PTPN9: variants seen among roughly 807,000 people sequenced by gnomAD.
PTPN9 encodes the protein tyrosine-protein phosphatase non-receptor type 9.
A neutral mutation model predicts 69.8 loss-of-function variants in PTPN9; 26 were observed. The ratio of observed to expected loss-of-function variants is 0.37; its 90% CI spans 0.27 to 0.52. The LOEUF (loss-of-function observed/expected upper bound fraction) is 0.52, where lower values mean the gene tolerates loss of function less well. Among genes scored for constraint, PTPN9 ranks in the 20% least tolerant of loss-of-function variants. PTPN9 has a pLI of 0.91. For synonymous variants in PTPN9, 274 were observed against 272.5 expected, an observed-to-expected ratio of 1.01 and a Z score of -0.05; for missense variants, 549 against 740.3, an observed-to-expected ratio of 0.74 and a Z score of 3.00.
intron 1 of PTPN9, among the ~76,000 whole-genome samples, chr15:75,577,496 A>T (rs991955356): frequency 1.3e-5 from 2 of 152,250 alleles, no homozygotes; most frequent in Non-Finnish European, 2.9e-5. Context: ...TTCTTTTTAA[A>T]TTTTTTTCCC....
At chr15:75,510,628 G>A (rs1011500802) in intron 5 of PTPN9, among the ~76,000 whole-genome samples, 1 of 151,098 alleles carries the variant, frequency 6.6e-6, no homozygotes, top group African/African-American at 2.4e-5. Flanking sequence ...CTATTTTAAT[G>A]TCAGAAAAAG....
intron 5 of PTPN9, among the ~76,000 whole-genome samples, chr15:75,512,529 A>C: frequency 6.6e-6 from 1 of 152,218 alleles, no homozygotes; most frequent in Non-Finnish European, 1.5e-5. Context: ...ATAAATGTGC[A>C]GTAAATACTC....
chr15:75,487,811 A>G (rs550273483), intron 8 of PTPN9: 1 of 152,330 alleles, frequency 6.6e-6, no homozygotes, highest in Admixed American at 6.5e-5. Context: ...GTTGGAAACC[A>G]TGATCCTGGG....
intron 1 of PTPN9, among the ~76,000 whole-genome samples, chr15:75,539,890 C>T (rs1206337239): frequency 2.0e-5 from 3 of 152,018 alleles, no homozygotes; most frequent in East Asian, 1.9e-4. Flanking sequence ...AGGCTGGTCT[C>T]GAACTCCTGG....
intron 9 of PTPN9, among the ~76,000 whole-genome samples, chr15:75,476,057 T>G (rs1383348400): frequency 6.6e-6 from 1 of 152,132 alleles, no homozygotes; most frequent in East Asian, 1.9e-4. Context: ...GAGGATCACC[T>G]GTGTGTGCCT....
At chr15:75,510,199 T>C (rs1382843644) in intron 5 of PTPN9, among the ~76,000 whole-genome samples, 4 of 152,168 alleles carry the variant, frequency 2.6e-5, no homozygotes, top group African/African-American at 4.8e-5. Context: ...AAATCATTCA[T>C]TCCTAATCCA....
At chr15:75,569,696 A>C (rs980837971) in intron 1 of PTPN9, among the ~76,000 whole-genome samples, 17 of 151,992 alleles carry the variant, frequency 1.1e-4, no homozygotes, top group African/African-American at 1.7e-4. Flanking sequence ...AAAAAAAAAA[A>C]AAAAAACAGT....
At chr15:75,566,280 C>T (rs2075126073) in intron 1 of PTPN9, among the ~76,000 whole-genome samples, 1 of 151,956 alleles carries the variant, frequency 6.6e-6, no homozygotes. Context: ...ATAAAAAGGC[C>T]AGATTTGCAA....
At chr15:75,502,024 G>A (rs2074775213) in intron 7 of PTPN9, among the ~76,000 whole-genome samples, 1 of 152,012 alleles carries the variant, frequency 6.6e-6, no homozygotes, top group South Asian at 2.1e-4. Context: ...GGACATAGTG[G>A]CACATACCTG....
At chr15:75,570,744 C>T (rs2075145035) in intron 1 of PTPN9, among the ~76,000 whole-genome samples, 1 of 151,020 alleles carries the variant, frequency 6.6e-6, no homozygotes, top group Non-Finnish European at 1.5e-5. Context: ...CACTGCATTC[C>T]AGCCTGGGTG....
intron 1 of PTPN9, among the ~76,000 whole-genome samples, chr15:75,545,953 ATAGAT>A: frequency 6.6e-6 from 1 of 152,340 alleles, no homozygotes; most frequent in South Asian, 2.1e-4. Context: ...GTCTGAAAAA[ATAGAT>A]TAAAGTAAAT....
At chr15:75,477,516 G>A (rs1203373254) in intron 9 of PTPN9, among the ~76,000 whole-genome samples, 3 of 152,116 alleles carry the variant, frequency 2.0e-5, no homozygotes, top group African/African-American at 7.2e-5. Flanking sequence ...ACTCGCTTGA[G>A]CCCTGGAAGT....
At chr15:75,562,222 A>C (rs2075106934) in intron 1 of PTPN9, among the ~76,000 whole-genome samples, 1 of 151,936 alleles carries the variant, frequency 6.6e-6, no homozygotes. Context: ...GCTTATATGA[A>C]CTCCCCAACT....
chr15:75,501,363 A>G (rs1486839787), intron 7 of PTPN9, among the ~76,000 whole-genome samples: 1 of 152,140 alleles, frequency 6.6e-6, no homozygotes, highest in Non-Finnish European at 1.5e-5. Context: ...TGTCACTCAC[A>G]GAGGGAATTT....
Position 75,578,767 on chromosome 15 carries a change from C to T in PTPN9, c.10G>A (p.Ala4Thr). MEP[A>T]TAPRPDMAPE... ...GCCATGTCGGGCCGGGGCGCGGTCGCGGGCTCCATCCCCCCGCCACCGCCG... is the reference window on the plus strand; with the variant it reads ...GCCATGTCGGGCCGGGGCGCGGTCGTGGGCTCCATCCCCCCGCCACCGCCG... Residue 4 changes from alanine to threonine, a missense_variant, in exon 1 of 13, where the codon GCG (alanine) becomes ACG (threonine). Physicochemically the swap from Ala to Thr is moderately conservative, Grantham distance 58. Transcript: ENST00000618819. 1.6e-6 allele frequency: 2 copies of T among 1,271,736 alleles called. No homozygotes were observed. The highest frequency in any genetic ancestry group is 2.0e-6 in the Non-Finnish European group (2 of 1,010,342). The allele number at this position is 1,271,736 out of a possible 1,614,324, so 78.8% of individuals were successfully genotyped here.
chr15:75,560,825 C>A (rs1025442355), intron 1 of PTPN9, among the ~76,000 whole-genome samples: 1 of 152,086 alleles, frequency 6.6e-6, no homozygotes, highest in Non-Finnish European at 1.5e-5. Context: ...TCAAGACCAG[C>A]CTGACCAACA....
intron 1 of PTPN9, among the ~76,000 whole-genome samples, chr15:75,538,237 G>C (rs897138027): frequency 1.3e-5 from 2 of 152,134 alleles, no homozygotes; most frequent in Non-Finnish European, 2.9e-5. Flanking sequence ...CTCAACAGAT[G>C]CTGAAAATGC....
At chr15:75,546,183 G>A (rs1304080233) in intron 1 of PTPN9, among the ~76,000 whole-genome samples, 1 of 152,072 alleles carries the variant, frequency 6.6e-6, no homozygotes, top group Non-Finnish European at 1.5e-5. Flanking sequence ...GATATTCCCT[G>A]GAGAAATCCA....
chr15:75,485,665 C>T (rs1268606369), intron 8 of PTPN9, among the ~76,000 whole-genome samples: 2 of 150,960 alleles, frequency 1.3e-5, no homozygotes, highest in Non-Finnish European at 3.0e-5. Flanking sequence ...CCACCGCGCC[C>T]GGCCGAATTG....
Sources: allele counts gnomAD v4.1 joint callset (sites outside exome capture counted in the v4.1 genomes callset), GRCh38; gene constraint gnomAD v4.1.1; transcripts MANE v1.5; gene names NCBI Gene and HGNC (gene_info 2026-07-23, HGNC 2026-07-21).